Variants in CDH18 observed in about 807,000 individuals in gnomAD.
CDH18 encodes cadherin-18.
In CDH18, 31 loss-of-function variants were observed where a neutral mutation model predicts 67.9. The observed-to-expected ratio is 0.46, with a 90% confidence interval of 0.34 to 0.62. The LOEUF is 0.62. Ranked by LOEUF, CDH18 falls within the 20% of genes least tolerant of loss-of-function variation. The pLI, the probability that CDH18 is intolerant of heterozygous loss-of-function variation, is 0.01. For synonymous variants in CDH18, 362 were observed against 347.2 expected (o/e 1.04, Z -0.48); for missense variants, 890 against 975.5 (o/e 0.91, Z 1.17).
chr5:20,052,056 C>T (rs531236306), intron 2 of CDH18, among the ~76,000 whole-genome samples: 2 of 152,184 alleles, frequency 1.3e-5, no homozygotes, highest in African/African-American at 4.8e-5. Context: ...AATAATAATT[C>T]CTCATGTAAA....
Position 19,666,984 on chromosome 5 carries a change from G to C in CDH18, c.643+54363C>G, listed in dbSNP as rs539030109. On this transcript the variant is annotated intron_variant, in intron 5 of 12. Coordinates refer to ENST00000382275, the MANE Select transcript of CDH18 (RefSeq NM_004934.5). The stretch of plus-strand genomic sequence containing the variant: ...AAATCATTCAGCTTTAAATTATGGT[G>C]AGAATTTGGCACTTAAACGTATTTG... Among the ~76,000 whole-genome samples the C allele has an allele frequency of 9.3e-4, 142 of 152,158 alleles. 1 individual carries two copies. In the South Asian group the frequency reaches 0.01, roughly 11 times the overall value.
At chr5:20,513,413 A>G (rs1003904298) in intron 1 of CDH18, among the ~76,000 whole-genome samples, 12 of 152,190 alleles carry the variant, frequency 7.9e-5, no homozygotes, top group Admixed American at 5.2e-4. Flanking sequence ...AACTTGATAA[A>G]TTCTGTTGTT....
intron 1 of CDH18, among the ~76,000 whole-genome samples, chr5:19,984,375 T>G (rs1177391371): frequency 6.6e-6 from 1 of 152,082 alleles, no homozygotes; most frequent in East Asian, 1.9e-4. Flanking sequence ...AAATTTTAAA[T>G]GTGGATAATA....
chr5:20,107,894 C>A (rs529219844), intron 2 of CDH18, among the ~76,000 whole-genome samples: 2 of 149,984 alleles, frequency 1.3e-5, no homozygotes, highest in Non-Finnish European at 3.0e-5. Flanking sequence ...TAGGTATATC[C>A]CCTAATGCTA....
intron 4 of CDH18, among the ~76,000 whole-genome samples, chr5:19,728,392 A>T (rs544209129): frequency 6.6e-6 from 1 of 152,222 alleles, no homozygotes; most frequent in African/African-American, 2.4e-5. Context: ...CATGCTGAGG[A>T]TTAGTTTCTC....
intron 3 of CDH18, among the ~76,000 whole-genome samples, chr5:19,808,832 CA>C (rs1173922790): frequency 0.14 from 7,468 of 53,938 alleles, 57 homozygotes; most frequent in African/African-American, 0.21. Context: ...AACTCTGTCT[CA>C]AAAAAAAAAA....
chr5:19,956,908 A>G (rs1796311275), intron 2 of CDH18, among the ~76,000 whole-genome samples: 1 of 151,968 alleles, frequency 6.6e-6, no homozygotes, highest in African/African-American at 2.4e-5. Context: ...GTACCTTAGT[A>G]AAATCCCAAG....
At chr5:20,091,362 G>A (rs1745405433) in intron 2 of CDH18, among the ~76,000 whole-genome samples, 1 of 151,812 alleles carries the variant, frequency 6.6e-6, no homozygotes, top group African/African-American at 2.4e-5. Context: ...ACAGTGTCAT[G>A]CACCTGTAGT....
intron 2 of CDH18, among the ~76,000 whole-genome samples, chr5:20,158,239 G>A (rs1751709382): frequency 6.6e-6 from 1 of 152,116 alleles, no homozygotes; most frequent in South Asian, 2.1e-4. Flanking sequence ...TATGTCAGGA[G>A]GTTAGAACAA....
intron 1 of CDH18, among the ~76,000 whole-genome samples, chr5:20,332,600 C>T (rs1739283434): frequency 6.6e-6 from 1 of 152,068 alleles, no homozygotes; most frequent in Non-Finnish European, 1.5e-5. Context: ...AAACTCTATA[C>T]CATAAGCTAA....
chr5:19,765,461 A>AT (rs1240814868), intron 3 of CDH18, among the ~76,000 whole-genome samples: 13 of 151,880 alleles, frequency 8.6e-5, no homozygotes, highest in Non-Finnish European at 4.4e-5. Context: ...TTCTCATCAC[A>AT]TTTTTTCTCT....
chr5:20,183,260 T>C (rs534736410), intron 2 of CDH18, among the ~76,000 whole-genome samples: 2 of 152,250 alleles, frequency 1.3e-5, no homozygotes, highest in South Asian at 4.1e-4. Flanking sequence ...AAAATAACCT[T>C]AGATTCATGT....
intron 2 of CDH18, among the ~76,000 whole-genome samples, chr5:20,203,546 G>A (rs1739617953): frequency 6.7e-6 from 1 of 149,504 alleles, no homozygotes; most frequent in South Asian, 2.1e-4. Context: ...GCACCACTGA[G>A]TGGCAAAAAG....
chr5:19,787,962 A>G (rs955714718), intron 3 of CDH18, among the ~76,000 whole-genome samples: 9 of 152,022 alleles, frequency 5.9e-5, no homozygotes, highest in Admixed American at 2.6e-4. Context: ...AATAGCACCT[A>G]TTAATATTTA....
intron 2 of CDH18, among the ~76,000 whole-genome samples, chr5:19,845,967 A>G (rs1289038042): frequency 1.3e-5 from 2 of 151,964 alleles, no homozygotes; most frequent in Admixed American, 6.6e-5. Flanking sequence ...TTCAGCCACT[A>G]TTTTTTGATT....
intron 1 of CDH18, among the ~76,000 whole-genome samples, chr5:20,446,996 A>G (rs1404873645): frequency 1.3e-5 from 2 of 152,122 alleles, no homozygotes; most frequent in African/African-American, 4.8e-5. Flanking sequence ...AAGTTATACC[A>G]TTTGCTTTAT....
chr5:20,006,027 C>G (rs2150408256), intron 2 of CDH18, among the ~76,000 whole-genome samples: 1 of 151,976 alleles, frequency 6.6e-6, no homozygotes, highest in Admixed American at 6.6e-5. Context: ...AAGAGAACAA[C>G]TAGGTGTTCA....
intron 1 of CDH18, among the ~76,000 whole-genome samples, chr5:20,558,366 G>T (rs966851814): frequency 3.9e-5 from 6 of 152,094 alleles, no homozygotes; most frequent in Admixed American, 1.3e-4. Flanking sequence ...CCTGGAGTTT[G>T]AGGGGAGGAG....
At chr5:19,577,338 AAT>A (rs1400486674) in intron 7 of CDH18, among the ~76,000 whole-genome samples, 2 of 152,178 alleles carry the variant, frequency 1.3e-5, no homozygotes. Flanking sequence ...ATTTTCTGTC[AAT>A]TAAATATTAA....
Sources: allele counts gnomAD v4.1 joint callset (sites outside exome capture counted in the v4.1 genomes callset), GRCh38; gene constraint gnomAD v4.1.1; transcripts MANE v1.5; gene names NCBI Gene and HGNC (gene_info 2026-07-23, HGNC 2026-07-21).